Variants in FCER1A observed in about 807,000 individuals in gnomAD.
FCER1A encodes high affinity immunoglobulin epsilon receptor subunit alpha.
A neutral mutation model predicts 23.6 loss-of-function variants in FCER1A; 24 were observed. The ratio of observed to expected loss-of-function variants is 1.02; its 90% CI spans 0.74 to 1.43. The LOEUF (loss-of-function observed/expected upper bound fraction) is 1.43, where lower values mean the gene tolerates loss of function less well. FCER1A is among the 40% of genes most tolerant of loss of function. The probability of loss-of-function intolerance (pLI) is 0.00; values close to 1 mark genes in which losing one functional copy is unlikely to be tolerated. For synonymous variants in FCER1A, 121 were observed against 108.8 expected, an observed-to-expected ratio of 1.11 and a Z score of -0.70; for missense variants, 318 against 294.5, an observed-to-expected ratio of 1.08 and a Z score of -0.58.
intron 1 of FCER1A, among the ~76,000 whole-genome samples, chr1:159,293,785 G>A (rs1013145634): frequency 1.3e-5 from 2 of 151,790 alleles, no homozygotes; most frequent in Admixed American, 6.6e-5. Flanking sequence ...TCTTAATCCA[G>A]TCTATCACTG....
chr1:159,286,477 C>T (rs563878875), upstream of FCER1A, among the ~76,000 whole-genome samples: 61 of 151,960 alleles, frequency 4.0e-4, no homozygotes, highest in Non-Finnish European at 6.3e-4. Flanking sequence ...GGACTACAGG[C>T]GCCCGCCACC....
intron 1 of FCER1A, 95 bp from the exon 2 acceptor site, chr1:159,302,759 C>T: frequency 1.8e-6 from 2 of 1,137,122 alleles, no homozygotes; most frequent in Non-Finnish European, 2.7e-6. Context: ...CTTAAAATTC[C>T]ATGGATGTAG....
intron 2 of FCER1A, among the ~76,000 whole-genome samples, chr1:159,303,126 C>A (rs1301511574): frequency 2.0e-5 from 3 of 152,096 alleles, no homozygotes; most frequent in Non-Finnish European, 4.4e-5. Context: ...CATTCTCTCT[C>A]CTAGACACTT....
At position 159,306,189 on chromosome 1, in the gene FCER1A, G is replaced by A; in HGVS notation, c.533G>A (p.Gly178Asp). The change falls in exon 4 of 5, where the codon GGC (glycine) becomes GAC (aspartate). Residue 178 changes from glycine (G) to aspartate (D), a missense_variant. Gly to Asp is a moderately conservative substitution (Grantham distance 94). Coordinates refer to ENST00000693622, the MANE Select transcript of FCER1A (RefSeq NM_001387280.1). Reference sequence around the variant, plus strand: ...GACAGTGGAACCTACTACTGTACGGGCAAAGTGTGGCAGCTGGACTATGAG... The same window carrying A: ...GACAGTGGAACCTACTACTGTACGGACAAAGTGTGGCAGCTGGACTATGAG... ...VEDSGTYYCT[G>D]KVWQLDYESE... The A allele has an allele frequency of 6.2e-7, 1 of 1,614,022 alleles. No homozygotes were observed. Among genetic ancestry groups the A allele is most frequent in the African/African-American group, 1.3e-5 (1 of 75,044 alleles).
the FCER1A span, among the ~76,000 whole-genome samples, chr1:159,284,352 G>C: frequency 6.6e-6 from 1 of 152,170 alleles, no homozygotes; most frequent in African/African-American, 2.4e-5. Context: ...TGATCCTGCT[G>C]GAGGGGGAAT....
In FCER1A at chr1:159,302,954, C is replaced by T. The variant is rs1029062049; in HGVS notation, c.76+80C>T. 11 of 1,312,238 alleles carry T rather than the reference C, an allele frequency of 8.4e-6. No individual in the cohort carries two copies. The Admixed American group carries it at 1.7e-4, about 20-fold the overall frequency. 81.3% of individuals were successfully genotyped at this position (1,312,238 alleles called of 1,614,324 possible). On this transcript the variant is annotated intron_variant, in intron 2 of 4. Transcript: ENST00000693622. ...CCTCTCACTATTTTCTTCGTCCCAT[C>T]ACTTCTGCTTTCTAATGAGCATGAA...
chr1:159,303,567 G>C (rs1652501688), intron 2 of FCER1A, among the ~76,000 whole-genome samples: 1 of 152,116 alleles, frequency 6.6e-6, no homozygotes, highest in African/African-American at 2.4e-5. Flanking sequence ...TGTAACAATG[G>C]TTGAACATGG....
chr1:159,298,241 T>C (rs542965936), upstream of FCER1A, among the ~76,000 whole-genome samples: 41 of 152,276 alleles, frequency 2.7e-4, no homozygotes, highest in South Asian at 7.9e-3. Context: ...TAAAAGAGTG[T>C]AGATTATGCT....
At chr1:159,292,767 C>A (rs1652187383) in intron 1 of FCER1A, among the ~76,000 whole-genome samples, 1 of 152,046 alleles carries the variant, frequency 6.6e-6, no homozygotes, top group Admixed American at 6.6e-5. Context: ...AGAAGCAGGA[C>A]CTGTAAGAGG....
chr1:159,283,622 A>G, the FCER1A span, among the ~76,000 whole-genome samples: 1 of 152,210 alleles, frequency 6.6e-6, no homozygotes, highest in African/African-American at 2.4e-5. Context: ...AAAACCTTGT[A>G]TTCAAGAGGC....
Position 159,303,949 on chromosome 1 carries a change from C to T in FCER1A, c.98C>T (p.Ser33Phe). The T allele has an allele frequency of 6.2e-7, 1 of 1,612,578 alleles. No homozygotes were observed. The highest frequency in any genetic ancestry group is 1.1e-5 in the South Asian group (1 of 90,978). Residue 33 changes from serine (S) to phenylalanine (F), a missense_variant, in exon 3 of 5, where the codon TCC becomes TTC. By Grantham distance (155) the Ser-to-Phe change is radical. Coordinates refer to ENST00000693622, the MANE Select transcript of FCER1A (RefSeq NM_001387280.1). ...GAAGTCCCTCAGAAACCTAAGGTCTCCTTGAACCCTCCATGGAATAGAATA... is the reference window on the plus strand; with the variant it reads ...GAAGTCCCTCAGAAACCTAAGGTCTTCTTGAACCCTCCATGGAATAGAATA... ...VLAVPQKPKVSLNPPWNRIFK... is the reference protein window; with the variant it reads ...VLAVPQKPKVFLNPPWNRIFK...
chr1:159,290,384 A>AACCCTAGCAGTGTCAGATTCTCCATCAGT (rs376609239), intron 1 of FCER1A, among the ~76,000 whole-genome samples: 1 of 152,128 alleles, frequency 6.6e-6, no homozygotes, highest in African/African-American at 2.4e-5. Flanking sequence ...TTTTCCTGCA[A>AACCCTAGCAGTGTCAGATTCTCCATCAGT]ACCCTAGCAG....
Position 159,306,647 on chromosome 1 carries a change from A to G in FCER1A, c.589+402A>G, listed in dbSNP as rs982990523. Among the ~76,000 whole-genome samples, 18 of 152,302 alleles carry G rather than the reference A, an allele frequency of 1.2e-4. No individual in the cohort carries two copies. The East Asian group carries it at 3.5e-3, about 29-fold the overall frequency. ...AAAGTTGAATGAAGAAAGGATATAA[A>G]GAGCTTGAGGAGCCCATTCCAGCTT... On this transcript the variant is annotated intron_variant, in intron 4 of 4. Transcript: ENST00000693622.
At chr1:159,288,209 A>G (rs983245204), upstream of FCER1A, among the ~76,000 whole-genome samples, 2 of 152,198 alleles carry the variant, frequency 1.3e-5, no homozygotes. Flanking sequence ...ACATTCACAT[A>G]CTAAGTTATT....
At chr1:159,304,500 G>A (rs534828253) in intron 3 of FCER1A, among the ~76,000 whole-genome samples, 15 of 152,204 alleles carry the variant, frequency 9.9e-5, no homozygotes, top group South Asian at 6.2e-4. Context: ...CCAGGTACTC[G>A]GGAGGCTGAG....
At chr1:159,302,020 C>A (rs1321557162), upstream of FCER1A, among the ~76,000 whole-genome samples, 1 of 152,172 alleles carries the variant, frequency 6.6e-6, no homozygotes, top group African/African-American at 2.4e-5. Flanking sequence ...TTTTATTCTG[C>A]TCTCCCTTGC....
chr1:159,302,795 G>C, intron 1 of FCER1A, 59 bp from the exon 2 acceptor site: 1 of 1,496,444 alleles, frequency 6.7e-7, no homozygotes, highest in Non-Finnish European at 9.3e-7. Flanking sequence ...CCAGATTCTA[G>C]TCCTCTGGAG....
Position 159,302,860 on chromosome 1 carries a change from A to C in FCER1A, c.62A>C (p.Asp21Ala), listed in dbSNP as rs1299885595. 3.1e-6 allele frequency: 5 copies of C among 1,613,852 alleles called. No individual in the cohort carries two copies. The highest frequency in any genetic ancestry group is 4.2e-6 in the Non-Finnish European group (5 of 1,179,842). The change falls in exon 2 of 5, where the codon GAT (aspartate) becomes GCT (alanine). Residue 21 changes from aspartate (D) to alanine (A), a missense_variant. By Grantham distance (126) the Asp-to-Ala change is moderately radical. Transcript: ENST00000693622. ...CCTCTCTGGACTTTTGCAGCTCCAGATGGCGTGTTAGCAGGTGAGTCCTCT... is the reference window on the plus strand; with the variant it reads ...CCTCTCTGGACTTTTGCAGCTCCAGCTGGCGTGTTAGCAGGTGAGTCCTCT... ...LCVALLFFAP[D>A]GVLAVPQKPK...
chr1:159,298,051 T>C (rs966024683), upstream of FCER1A, among the ~76,000 whole-genome samples: 19 of 152,202 alleles, frequency 1.2e-4, no homozygotes, highest in Non-Finnish European at 1.8e-4. Context: ...GCTTCTTGGC[T>C]GAAATATACT....
Sources: allele counts gnomAD v4.1 joint callset (sites outside exome capture counted in the v4.1 genomes callset), GRCh38; gene constraint gnomAD v4.1.1; transcripts MANE v1.5; gene names NCBI Gene and HGNC (gene_info 2026-07-23, HGNC 2026-07-21).